TULP4: variants seen among roughly 807,000 people sequenced by gnomAD.
TULP4 encodes the protein tubby-related protein 4.
TULP4 carries 16 observed loss-of-function variants against 129.0 expected under a neutral mutation model. The observed-to-expected ratio is 0.12, with a 90% CI of 0.08 to 0.19. TULP4 has a LOEUF of 0.19. TULP4 is among the 10% of genes least tolerant of loss of function. The pLI is 1.00. For missense variants in TULP4, 1,842 were observed against 2,059.1 expected (o/e 0.89, Z 2.04); for synonymous variants, 998 against 854.0 (o/e 1.17, Z -2.94).
chr6:158,482,220 C>T (rs757896118), intron 8 of TULP4, among the ~76,000 whole-genome samples: 3 of 152,166 alleles, frequency 2.0e-5, no homozygotes, highest in South Asian at 2.1e-4. Flanking sequence ...CCTCTCATTA[C>T]GACCTGGAGC....
intron 9 of TULP4, among the ~76,000 whole-genome samples, chr6:158,490,671 C>T (rs779305914): frequency 3.3e-5 from 5 of 152,198 alleles, no homozygotes; most frequent in Non-Finnish European, 5.9e-5. Flanking sequence ...TGCCTGTGCT[C>T]CCTCCATTTG....
At chr6:158,235,648 G>A (rs539024412) in intron 1 of TULP4, among the ~76,000 whole-genome samples, 92 of 152,222 alleles carry the variant, frequency 6.0e-4, no homozygotes, top group African/African-American at 2.0e-3. Context: ...ACGCCCAGCC[G>A]AATTCCTGTC....
At chr6:158,455,055 A>ATTTTTT (rs781328845) in intron 5 of TULP4, among the ~76,000 whole-genome samples, 2 of 33,212 alleles carry the variant, frequency 6.0e-5, no homozygotes, top group African/African-American at 2.3e-4. Context: ...CAAATTTAAC[A>ATTTTTT]TTTTTTTTTT....
At chr6:158,444,246 A>ATTT (rs1554291963) in intron 3 of TULP4, among the ~76,000 whole-genome samples, 24 of 86,754 alleles carry the variant, frequency 2.8e-4, no homozygotes, top group African/African-American at 8.5e-4. Flanking sequence ...AAAAAAAAAA[A>ATTT]TTTTTTTTTT....
At chr6:158,471,565 GGACTTTAAATTTCTGTTTTGGAAGT>G (rs1345224896) in intron 6 of TULP4, among the ~76,000 whole-genome samples, 2 of 152,192 alleles carry the variant, frequency 1.3e-5, no homozygotes, top group African/African-American at 2.4e-5. Flanking sequence ...GGTTGGATAG[GGACTTTAAATTTCTGTTTTGGAAGT>G]GAAGTCATTC....
chr6:158,434,212 C>T (rs1195655379), intron 3 of TULP4, among the ~76,000 whole-genome samples: 1 of 152,166 alleles, frequency 6.6e-6, no homozygotes, highest in Non-Finnish European at 1.5e-5. Context: ...GGGTTCAACA[C>T]ATTTGTTCAA....
At chr6:158,250,375 C>G (rs761568453) in intron 1 of TULP4, among the ~76,000 whole-genome samples, 4 of 151,480 alleles carry the variant, frequency 2.6e-5, no homozygotes, top group Non-Finnish European at 5.9e-5. Flanking sequence ...CCAGGATGAT[C>G]TCGATCTCTT....
intron 1 of TULP4, among the ~76,000 whole-genome samples, chr6:158,377,321 C>T (rs1484799466): frequency 1.3e-5 from 2 of 152,250 alleles, no homozygotes; most frequent in South Asian, 2.1e-4. Flanking sequence ...TTTATATGTG[C>T]CAGGTATTAT....
In TULP4 at chr6:158,498,589, C is replaced by T; in HGVS notation, c.1871-80C>T. ...GATGGCAGGGAAACTGCAGTGCGCT[C>T]TTCTTCCTGTGACTCTCTTGACACT... On this transcript the variant is annotated intron_variant, in intron 11 of 13. Coordinates refer to ENST00000367097, the MANE Select transcript of TULP4 (RefSeq NM_020245.5). 5 of 1,574,074 alleles carry T rather than the reference C, an allele frequency of 3.2e-6. No homozygotes were observed. In the South Asian group the frequency reaches 5.7e-5, roughly 18 times the overall value.
intron 1 of TULP4, among the ~76,000 whole-genome samples, chr6:158,294,753 AGG>A (rs1307755940): frequency 6.6e-6 from 1 of 151,128 alleles, no homozygotes; most frequent in Admixed American, 6.6e-5. Context: ...TTTTTGAGAC[AGG>A]GTCTGGCTCC....
intron 1 of TULP4, among the ~76,000 whole-genome samples, chr6:158,273,881 A>G (rs987810737): frequency 6.6e-6 from 1 of 152,248 alleles, no homozygotes; most frequent in African/African-American, 2.4e-5. Flanking sequence ...TTCATGAGGT[A>G]GATACTGTTA....
At chr6:158,451,366 C>T (rs1459798352) in intron 4 of TULP4, among the ~76,000 whole-genome samples, 1 of 152,222 alleles carries the variant, frequency 6.6e-6, no homozygotes, top group African/African-American at 2.4e-5. Context: ...AGACAACTGG[C>T]AGGTAGGCCC....
intron 1 of TULP4, among the ~76,000 whole-genome samples, chr6:158,276,724 T>C (rs1778652176): frequency 6.6e-6 from 1 of 152,090 alleles, no homozygotes; most frequent in African/African-American, 2.4e-5. Context: ...AAGTGGTGGG[T>C]GCAAACCAGC....
At chr6:158,356,557 T>C (rs985231187) in intron 1 of TULP4, among the ~76,000 whole-genome samples, 1 of 152,178 alleles carries the variant, frequency 6.6e-6, no homozygotes, top group Non-Finnish European at 1.5e-5. Flanking sequence ...TCAGGAATTC[T>C]GGCTATGCAG....
At chr6:158,363,995 T>G (rs960236897) in intron 1 of TULP4, among the ~76,000 whole-genome samples, 3 of 151,906 alleles carry the variant, frequency 2.0e-5, no homozygotes, top group Non-Finnish European at 4.4e-5. Context: ...TCAAAATAAA[T>G]TAAAAAAACC....
Position 158,256,093 on chromosome 6 carries a change from A to G in TULP4, n.68+23790A>G, listed in dbSNP as rs533435052. On this transcript the variant is annotated intron_variant and non_coding_transcript_variant, in intron 1 of 1. Coordinates refer to the TULP4 transcript ENST00000620026. Reference sequence around the variant, plus strand: ...AAGTAACTCTCTAGTTACTTAAGCTACTCCTCCTGAAGAACACCTTGGCTT... The same window carrying G: ...AAGTAACTCTCTAGTTACTTAAGCTGCTCCTCCTGAAGAACACCTTGGCTT... Among the ~76,000 whole-genome samples, 137 of 152,070 alleles carry G rather than the reference A, an allele frequency of 9.0e-4. No individual in the cohort carries two copies. The Middle Eastern group carries it at 0.01, about 11-fold the overall frequency.
chr6:158,495,330 G>A (rs768024477), intron 11 of TULP4, among the ~76,000 whole-genome samples: 72 of 152,144 alleles, frequency 4.7e-4, no homozygotes, highest in Non-Finnish European at 9.4e-4. Context: ...TGGGATGACA[G>A]GCATGAGCCA....
intron 2 of TULP4, among the ~76,000 whole-genome samples, chr6:158,414,591 G>A (rs1326890071): frequency 2.0e-5 from 3 of 152,214 alleles, no homozygotes; most frequent in Admixed American, 6.5e-5. Context: ...TTCAGGCCTT[G>A]AGGTAGCAGC....
intron 12 of TULP4, 65 bp downstream of exon 12, chr6:158,498,877 A>T: frequency 6.3e-7 from 1 of 1,578,710 alleles, no homozygotes; most frequent in Non-Finnish European, 8.7e-7. Context: ...CAAGGGGGAC[A>T]GAGCGGCAAG....
Sources: gnomAD v4.1 joint callset for allele counts (sites outside exome capture counted in the v4.1 genomes callset) on GRCh38, gnomAD v4.1.1 for gene constraint, MANE v1.5 for transcripts, NCBI Gene and HGNC (gene_info 2026-07-23, HGNC 2026-07-21) for gene names.